Variants in SLC6A11 observed in about 807,000 individuals in gnomAD.
SLC6A11 encodes sodium- and chloride-dependent GABA transporter 3.
SLC6A11 carries 25 observed loss-of-function variants against 74.8 expected under a neutral mutation model. That is an observed-to-expected ratio of 0.33 (90% CI 0.24 to 0.47). The LOEUF (loss-of-function observed/expected upper bound fraction) is 0.47. SLC6A11 is among the 20% of genes least tolerant of loss of function. The pLI is 1.00. For synonymous variants in SLC6A11, 330 were observed against 330.2 expected, an observed-to-expected ratio of 1.00 and a Z score of 0.01; for missense variants, 574 against 837.0, an observed-to-expected ratio of 0.69 and a Z score of 3.88.
chr3:10,907,127 G>A (rs1388347822), intron 6 of SLC6A11, among the ~76,000 whole-genome samples: 2 of 152,134 alleles, frequency 1.3e-5, no homozygotes, highest in Admixed American at 6.5e-5. Flanking sequence ...CAAGCTAAAG[G>A]AAAATAATAA....
At position 10,926,901 on chromosome 3, in the gene SLC6A11, G is replaced by A. The variant is rs1695615614; in HGVS notation, c.1233+785G>A. Among the ~76,000 whole-genome samples, 1 of 152,126 alleles carries A rather than the reference G, an allele frequency of 6.6e-6. No individual in the cohort carries two copies. The highest frequency in any genetic ancestry group is 6.5e-5 in the Admixed American group (1 of 15,274). ...ACAGCTGTTTTCCCTAGGAGCCCTG[G>A]AGAACTTCCCCCAGCCACAGCCTCC... is the stretch of plus-strand genomic sequence containing the variant. On this transcript the variant is annotated intron_variant, in intron 9 of 13. Coordinates refer to ENST00000254488, the MANE Select transcript of SLC6A11 (RefSeq NM_014229.3). This position sits in a 1 kb window ranked among gnomAD's most constrained non-coding sequence, Gnocchi z 5.7.
chr3:10,935,661 A>C (rs936372232), intron 13 of SLC6A11, among the ~76,000 whole-genome samples: 1 of 152,224 alleles, frequency 6.6e-6, no homozygotes. Context: ...TGCAGTTAGC[A>C]GGCAGAGGAA....
chr3:10,897,619 G>A (rs566897989), intron 6 of SLC6A11, among the ~76,000 whole-genome samples: 11 of 152,318 alleles, frequency 7.2e-5, no homozygotes, highest in East Asian at 3.9e-4. Flanking sequence ...TCCCATGGTC[G>A]TGGGCAGCTC....
chr3:10,869,361 G>A (rs1422429915), intron 5 of SLC6A11, among the ~76,000 whole-genome samples: 1 of 152,188 alleles, frequency 6.6e-6, no homozygotes, highest in African/African-American at 2.4e-5. Flanking sequence ...TAGCGAGACA[G>A]ACATTTTAAA....
intron 7 of SLC6A11, among the ~76,000 whole-genome samples, chr3:10,916,638 C>G (rs1320374375): frequency 6.6e-6 from 1 of 152,220 alleles, no homozygotes; most frequent in African/African-American, 2.4e-5. Flanking sequence ...CTGTTTATGT[C>G]ACATCTGCTA....
chr3:10,934,032 G>A, intron 11 of SLC6A11, 34 bp from the exon 12 acceptor site: 1 of 1,443,084 alleles, frequency 6.9e-7, no homozygotes, highest in Non-Finnish European at 9.8e-7. Context: ...CTTCTCTGGG[G>A]TGTGTATGTT....
At chr3:10,817,249 G>A (rs1256906670) in intron 1 of SLC6A11, among the ~76,000 whole-genome samples, 1 of 152,142 alleles carries the variant, frequency 6.6e-6, no homozygotes, top group Non-Finnish European at 1.5e-5. Context: ...TTTATTTTAC[G>A]GGTCTGAGAG....
At chr3:10,838,111 G>A (rs757691195) in intron 4 of SLC6A11, among the ~76,000 whole-genome samples, 4 of 152,206 alleles carry the variant, frequency 2.6e-5, no homozygotes, top group Admixed American at 1.3e-4. Flanking sequence ...TGCCGGCTCC[G>A]TGCACGACAT....
intron 5 of SLC6A11, among the ~76,000 whole-genome samples, chr3:10,863,147 A>G (rs1694722809): frequency 6.6e-6 from 1 of 152,182 alleles, no homozygotes; most frequent in African/African-American, 2.4e-5. Context: ...GCCTGTAGAG[A>G]TGAATAAAGC....
chr3:10,848,058 C>T (rs1694526566), intron 5 of SLC6A11, among the ~76,000 whole-genome samples: 1 of 152,202 alleles, frequency 6.6e-6, no homozygotes, highest in Non-Finnish European at 1.5e-5. Context: ...AGCCTCAGCA[C>T]AAATTTCCAT....
chr3:10,903,660 A>C (rs1199764265), intron 6 of SLC6A11, among the ~76,000 whole-genome samples: 1 of 152,020 alleles, frequency 6.6e-6, no homozygotes, highest in East Asian at 1.9e-4. Context: ...CAGGTTTTTG[A>C]GTACTGGAAT....
At chr3:10,873,902 CCTATG>C (rs887780223) in intron 5 of SLC6A11, among the ~76,000 whole-genome samples, 2 of 152,194 alleles carry the variant, frequency 1.3e-5, no homozygotes, top group Middle Eastern at 3.4e-3. Flanking sequence ...TCTATGCTAT[CCTATG>C]CTATGCTATG....
chr3:10,869,928 T>C (rs145996769), intron 5 of SLC6A11, among the ~76,000 whole-genome samples: 2 of 152,156 alleles, frequency 1.3e-5, no homozygotes, highest in East Asian at 1.9e-4. Flanking sequence ...TGATCACTGA[T>C]TGAATGTGGG....
intron 5 of SLC6A11, among the ~76,000 whole-genome samples, chr3:10,860,836 G>T (rs540492098): frequency 6.6e-6 from 1 of 152,326 alleles, no homozygotes; most frequent in East Asian, 1.9e-4. Context: ...GAACAGATTT[G>T]GAGGAGACAG....
chr3:10,851,236 G>C (rs564410448), intron 5 of SLC6A11, among the ~76,000 whole-genome samples: 1 of 152,024 alleles, frequency 6.6e-6, no homozygotes, highest in Non-Finnish European at 1.5e-5. Flanking sequence ...CAGTGACTGG[G>C]AGGGGAGGGT....
chr3:10,823,100 A>G (rs1694158457), intron 3 of SLC6A11, among the ~76,000 whole-genome samples: 1 of 152,164 alleles, frequency 6.6e-6, no homozygotes, highest in Non-Finnish European at 1.5e-5. Flanking sequence ...CCCCTGCCCC[A>G]TAAACCTTTC....
intron 4 of SLC6A11, among the ~76,000 whole-genome samples, chr3:10,837,908 G>A (rs1262564051): frequency 1.3e-5 from 2 of 152,228 alleles, no homozygotes; most frequent in Admixed American, 6.5e-5. Flanking sequence ...CCAAGGCAGC[G>A]GCCAGCTCCC....
At chr3:10,865,864 T>A (rs1299928612) in intron 5 of SLC6A11, among the ~76,000 whole-genome samples, 1 of 152,218 alleles carries the variant, frequency 6.6e-6, no homozygotes, top group Non-Finnish European at 1.5e-5. Context: ...CAGAATCTTC[T>A]CTTCCTGTCT....
intron 6 of SLC6A11, among the ~76,000 whole-genome samples, chr3:10,878,546 A>C (rs1694938474): frequency 6.6e-6 from 1 of 150,844 alleles, no homozygotes; most frequent in African/African-American, 2.4e-5. Context: ...CTGGGATTAC[A>C]GGAGTGCTCC....
Sources: allele counts gnomAD v4.1 joint callset (sites outside exome capture counted in the v4.1 genomes callset), GRCh38; gene constraint gnomAD v4.1.1; non-coding constraint Gnocchi (gnomAD v3.1); transcripts MANE v1.5; gene names NCBI Gene and HGNC (gene_info 2026-07-23, HGNC 2026-07-21).